Variants in ACTR3C observed in about 807,000 individuals in gnomAD.
ACTR3C encodes actin related protein 3C.
A neutral mutation model predicts 26.3 loss-of-function variants in ACTR3C; 18 were observed. That is an observed-to-expected ratio of 0.68 (90% CI 0.47 to 1.01). ACTR3C has a LOEUF of 1.01. ACTR3C is among the 50% of genes least tolerant of loss of function. ACTR3C has a pLI of 0.00. For synonymous variants in ACTR3C, 55 were observed against 94.5 expected, an observed-to-expected ratio of 0.58 and a Z score of 2.42; for missense variants, 184 against 250.7, an observed-to-expected ratio of 0.73 and a Z score of 1.80.
chr7:150,230,816 G>A, the ACTR3C span, among the ~76,000 whole-genome samples: 58 of 152,126 alleles, frequency 3.8e-4, no homozygotes, highest in African/African-American at 1.2e-3. Context: ...TATGTCCATA[G>A]CATCAGTAGC....
chr7:150,018,500 A>G, the ACTR3C span, among the ~76,000 whole-genome samples: 1 of 149,276 alleles, frequency 6.7e-6, no homozygotes, highest in Non-Finnish European at 1.5e-5. Context: ...TGTTTCTCCA[A>G]AATTAAAGTC....
chr7:150,276,404 T>C (rs1834887805), intron 6 of ACTR3C, among the ~76,000 whole-genome samples: 1 of 152,202 alleles, frequency 6.6e-6, no homozygotes, highest in Admixed American at 6.5e-5. Context: ...AGGACAGCCC[T>C]ATTAGAAGCC....
rs969502167 is a variant in ACTR3C at position 150,287,386 on chromosome 7, G to A, written c.298-846C>T. On this transcript the variant is annotated intron_variant, in intron 4 of 7. Transcript: ENST00000683684. Reference sequence around the variant, plus strand: ...TGCTGCTGCTGCTGCTGCTGCGAGAGAAGTCGCTAACGATTCCCACCCTGC... The same window carrying A: ...TGCTGCTGCTGCTGCTGCTGCGAGAAAAGTCGCTAACGATTCCCACCCTGC... Among the ~76,000 whole-genome samples, 21 of 152,110 alleles carry A rather than the reference G, an allele frequency of 1.4e-4. No homozygotes were observed. In the Middle Eastern group the frequency reaches 0.01, roughly 74 times the overall value.
chr7:150,148,396 G>GC, the ACTR3C span, among the ~76,000 whole-genome samples: 1 of 152,080 alleles, frequency 6.6e-6, no homozygotes, highest in Non-Finnish European at 1.5e-5. Flanking sequence ...AGAATCGCTT[G>GC]CACCCGGGAG....
intron 6 of ACTR3C, among the ~76,000 whole-genome samples, chr7:150,282,553 A>C (rs1037060990): frequency 1.4e-5 from 2 of 142,666 alleles, no homozygotes; most frequent in African/African-American, 5.8e-5. Context: ...CTTGCAAGGC[A>C]CTCATAACAC....
the ACTR3C span, among the ~76,000 whole-genome samples, chr7:150,087,942 G>C: frequency 6.6e-6 from 1 of 152,140 alleles, no homozygotes; most frequent in Non-Finnish European, 1.5e-5. Flanking sequence ...TCAGTAACAA[G>C]GCAAAAACTT....
At chr7:150,245,980 G>T (rs1256274764), downstream of ACTR3C, 2 of 152,256 alleles carry the variant, frequency 1.3e-5, no homozygotes, top group African/African-American at 2.4e-5. Context: ...AACCAGGCAA[G>T]TCAGTCTTAC....
chr7:150,115,057 A>G, the ACTR3C span, among the ~76,000 whole-genome samples: 27 of 152,232 alleles, frequency 1.8e-4, no homozygotes, highest in Non-Finnish European at 2.9e-5. Context: ...TCCCACGTCT[A>G]GGAAATGTAG....
At chr7:150,311,388 A>G (rs1489474890) in intron 1 of ACTR3C, among the ~76,000 whole-genome samples, 1 of 152,204 alleles carries the variant, frequency 6.6e-6, no homozygotes, top group Non-Finnish European at 1.5e-5. Context: ...TGCTGCTTTA[A>G]TACGTCTAGA....
At chr7:149,884,962 G>A in the ACTR3C span, among the ~76,000 whole-genome samples, 3 of 152,192 alleles carry the variant, frequency 2.0e-5, no homozygotes, top group East Asian at 1.9e-4. Flanking sequence ...AAGACAGGAT[G>A]TCCAAGCCCT....
chr7:149,988,928 A>G, the ACTR3C span, among the ~76,000 whole-genome samples: 1 of 152,246 alleles, frequency 6.6e-6, no homozygotes, highest in Non-Finnish European at 1.5e-5. Flanking sequence ...AGTTCAAATG[A>G]AACCAAATTA....
chr7:149,959,871 C>T, the ACTR3C span, among the ~76,000 whole-genome samples: 2 of 152,192 alleles, frequency 1.3e-5, no homozygotes, highest in East Asian at 3.8e-4. Context: ...AGCGGACATA[C>T]ACTGTGGTAA....
chr7:149,895,913 C>T, the ACTR3C span, among the ~76,000 whole-genome samples: 9 of 151,422 alleles, frequency 5.9e-5, no homozygotes, highest in Non-Finnish European at 1.2e-4. Flanking sequence ...AATAATGTTT[C>T]TAGGCCAGGC....
At chr7:149,905,028 AAAAAAT>A in the ACTR3C span, among the ~76,000 whole-genome samples, 9 of 151,940 alleles carry the variant, frequency 5.9e-5, no homozygotes, top group South Asian at 2.1e-4. Flanking sequence ...CTCCATCTCA[AAAAAAT>A]AAAAATAAAA....
At chr7:150,213,690 G>A in the ACTR3C span, among the ~76,000 whole-genome samples, 632 of 152,006 alleles carry the variant, frequency 4.2e-3, 1 homozygote, top group Admixed American at 7.3e-3. Context: ...AAAGGAGACA[G>A]GAGGTATTTT....
chr7:150,051,689 G>A, the ACTR3C span, among the ~76,000 whole-genome samples: 1 of 146,564 alleles, frequency 6.8e-6, no homozygotes, highest in Non-Finnish European at 1.5e-5. Context: ...TATGATTAGT[G>A]CTTCCCTATT....
At chr7:150,154,052 A>G in the ACTR3C span, among the ~76,000 whole-genome samples, 1 of 132,364 alleles carries the variant, frequency 7.6e-6, no homozygotes, top group African/African-American at 2.9e-5. Flanking sequence ...GAAGGGGAAC[A>G]TCACACTCTG....
chr7:150,198,210 G>A, the ACTR3C span, among the ~76,000 whole-genome samples: 3 of 149,074 alleles, frequency 2.0e-5, no homozygotes, highest in East Asian at 3.9e-4. Flanking sequence ...ACACCTCCCA[G>A]CCGCCTGCCT....
the ACTR3C span, among the ~76,000 whole-genome samples, chr7:150,154,820 A>G: frequency 6.6e-6 from 1 of 152,166 alleles, no homozygotes; most frequent in Non-Finnish European, 1.5e-5. Context: ...ACCAGACACA[A>G]TACCCAGAAA....
Sources: allele counts gnomAD v4.1 joint callset (sites outside exome capture counted in the v4.1 genomes callset), GRCh38; gene constraint gnomAD v4.1.1; transcripts MANE v1.5; gene names NCBI Gene and HGNC (gene_info 2026-07-23, HGNC 2026-07-21).